Variants in FLT1 observed in about 807,000 individuals in gnomAD.
The protein encoded by FLT1 is fms related receptor tyrosine kinase 1, also known as vascular endothelial growth factor receptor 1.
In FLT1, 49 loss-of-function variants were observed where a neutral mutation model predicts 156.3. The observed-to-expected ratio is 0.31, with a 90% CI of 0.25 to 0.40. The LOEUF is 0.40. Among genes scored for constraint, FLT1 ranks in the 10% least tolerant of loss-of-function variants. The pLI is 1.00. For synonymous variants in FLT1, 594 were observed against 583.8 expected, an observed-to-expected ratio of 1.02 and a Z score of -0.25; for missense variants, 1,322 against 1,637.2, an observed-to-expected ratio of 0.81 and a Z score of 3.32.
intron 3 of FLT1, among the ~76,000 whole-genome samples, chr13:28,465,644 A>T (rs1879807766): frequency 6.6e-6 from 1 of 152,152 alleles, no homozygotes; most frequent in Admixed American, 6.5e-5. Context: ...GGAGTTCGAG[A>T]CCAGCCTGAC....
intron 13 of FLT1, chr13:28,386,021 C>G: frequency 9.5e-7 from 1 of 1,052,482 alleles, no homozygotes. Flanking sequence ...GTTGGAAATC[C>G]TGGAACAGAA....
At chr13:28,344,861 A>G (rs1872506429) in intron 16 of FLT1, among the ~76,000 whole-genome samples, 2 of 123,110 alleles carry the variant, frequency 1.6e-5, no homozygotes, top group Admixed American at 2.2e-4. Flanking sequence ...GCTGAAGTGC[A>G]GTGGCATATG....
chr13:28,428,754 C>T (rs1213977844), intron 8 of FLT1, among the ~76,000 whole-genome samples: 1 of 152,138 alleles, frequency 6.6e-6, no homozygotes, highest in African/African-American at 2.4e-5. Flanking sequence ...CAGTTTTAAT[C>T]CATTAGGAGT....
chr13:28,333,162 A>G (rs952930061), intron 18 of FLT1, among the ~76,000 whole-genome samples: 2 of 152,124 alleles, frequency 1.3e-5, no homozygotes, highest in Admixed American at 6.5e-5. Context: ...TAAGCAAACA[A>G]CCCTTTCTCC....
intron 10 of FLT1, among the ~76,000 whole-genome samples, chr13:28,417,062 T>C (rs556417673): frequency 6.6e-6 from 1 of 152,166 alleles, no homozygotes; most frequent in South Asian, 2.1e-4. Flanking sequence ...CCACCAATAA[T>C]AAGTCTGTGA....
At chr13:28,360,848 C>A (rs1224187506) in intron 14 of FLT1, among the ~76,000 whole-genome samples, 1 of 152,154 alleles carries the variant, frequency 6.6e-6, no homozygotes, top group Non-Finnish European at 1.5e-5. Context: ...AGTGTTCCCA[C>A]CACAAAGAAA....
chr13:28,449,009 G>A (rs533558134), intron 3 of FLT1, among the ~76,000 whole-genome samples: 40 of 152,228 alleles, frequency 2.6e-4, no homozygotes, highest in Non-Finnish European at 5.4e-4. Flanking sequence ...GGTTGGGTGC[G>A]ATGGCTCACA....
chr13:28,450,005 CG>C (rs1878842649), intron 3 of FLT1, among the ~76,000 whole-genome samples: 1 of 58,860 alleles, frequency 1.7e-5, no homozygotes, highest in South Asian at 3.4e-4. Context: ...TCAGGAAAAC[CG>C]ATTCCCCTCA....
chr13:28,443,621 A>C (rs1214293443), intron 3 of FLT1, among the ~76,000 whole-genome samples: 1 of 152,154 alleles, frequency 6.6e-6, no homozygotes, highest in Non-Finnish European at 1.5e-5. Context: ...GGAGGGTATG[A>C]TTTTCATTTA....
rs71086853 is a variant in FLT1 at position 28,412,350 on chromosome 13, C to CTTTCTTTTTCTTTCTTTT, written c.1437-6457_1437-6456insAAAAGAAAGAAAAAGAAA. Among the ~76,000 whole-genome samples, 10 of 93,708 alleles carry CTTTCTTTTTCTTTCTTTT rather than the reference C, an allele frequency of 1.1e-4. 1 individual carries two copies. 61.5% of individuals were successfully genotyped at this position (93,708 alleles called of 152,430 possible). On this transcript the variant is annotated intron_variant, in intron 10 of 29. Coordinates refer to ENST00000282397, the MANE Select transcript of FLT1 (RefSeq NM_002019.4). ...CTTTCTTTTCTTTCTTTCTTTCTTT[C>CTTTCTTTTTCTTTCTTTT]TCTTTCTTTCTTTCTTTCTTTCTTT...
chr13:28,348,782 G>A (rs528764930), intron 15 of FLT1, among the ~76,000 whole-genome samples: 5 of 152,270 alleles, frequency 3.3e-5, no homozygotes, highest in East Asian at 1.9e-4. Flanking sequence ...GGTGGCAGGC[G>A]CCTGTAGTCC....
chr13:28,481,097 C>T (rs577965230), intron 1 of FLT1, among the ~76,000 whole-genome samples: 1 of 152,180 alleles, frequency 6.6e-6, no homozygotes, highest in African/African-American at 2.4e-5. Context: ...GTAACATTAC[C>T]TAGTGACTCG....
At chr13:28,401,434 T>C (rs1292014259) in intron 11 of FLT1, among the ~76,000 whole-genome samples, 1 of 152,204 alleles carries the variant, frequency 6.6e-6, no homozygotes, top group Non-Finnish European at 1.5e-5. Context: ...TTGGAGTTTT[T>C]CATGTTCCTT....
chr13:28,352,363 A>G (rs999188362), intron 15 of FLT1, among the ~76,000 whole-genome samples: 1 of 152,206 alleles, frequency 6.6e-6, no homozygotes, highest in African/African-American at 2.4e-5. Context: ...AGCGCAAGAT[A>G]TTAATTACAT....
rs1415400669 is a variant in FLT1, at chr13:28,323,321, A to G, written c.2797-375T>C. Among the ~76,000 whole-genome samples, 4 of 152,334 alleles carry G rather than the reference A, an allele frequency of 2.6e-5. No homozygotes were observed. The South Asian group carries it at 6.2e-4, about 24-fold the overall frequency. ...TATTTATACATGGAGAAACAGGTTC[A>G]GAGAAGTAAAGTAATCAAATTCACA... On this transcript the variant is annotated intron_variant, in intron 20 of 29. Transcript: ENST00000282397.
chr13:28,454,271 A>G (rs1483650513), intron 3 of FLT1, among the ~76,000 whole-genome samples: 2 of 152,120 alleles, frequency 1.3e-5, no homozygotes, highest in African/African-American at 4.8e-5. Flanking sequence ...GGCAGTCTGT[A>G]TTGTCTCATG....
intron 14 of FLT1, among the ~76,000 whole-genome samples, chr13:28,377,606 G>C (rs961910032): frequency 5.3e-5 from 8 of 152,114 alleles, no homozygotes. Flanking sequence ...CAGTTTTCTT[G>C]TTCACTGCTG....
At chr13:28,371,769 T>C (rs1475499358) in intron 14 of FLT1, among the ~76,000 whole-genome samples, 2 of 152,016 alleles carry the variant, frequency 1.3e-5, no homozygotes, top group Admixed American at 1.3e-4. Flanking sequence ...AGTTTGTGGG[T>C]AGAAGGCATG....
At chr13:28,407,273 A>G (rs140477754) in intron 10 of FLT1, among the ~76,000 whole-genome samples, 340 of 152,290 alleles carry the variant, frequency 2.2e-3, no homozygotes, top group African/African-American at 6.9e-3. Context: ...TATCAAACAC[A>G]CCGATAAGTA....
Sources: gnomAD v4.1 joint callset for allele counts (sites outside exome capture counted in the v4.1 genomes callset) on GRCh38, gnomAD v4.1.1 for gene constraint, MANE v1.5 for transcripts, NCBI Gene and HGNC (gene_info 2026-07-23, HGNC 2026-07-21) for gene names.